The following MBNL2 variants were observed in gnomAD, a reference collection of about 807,000 sequenced individuals.
The protein encoded by MBNL2 is muscleblind-like protein 2.
In MBNL2, 17 loss-of-function variants were observed where a neutral mutation model predicts 41.9. The ratio of observed to expected loss-of-function variants is 0.41; its 90% CI spans 0.28 to 0.61. MBNL2 has a LOEUF of 0.61. MBNL2 is among the 20% of genes least tolerant of loss of function. MBNL2 has a pLI of 0.35. For synonymous variants in MBNL2, 195 were observed against 182.9 expected (o/e 1.07, Z -0.53); for missense variants, 336 against 505.6 (o/e 0.66, Z 3.22).
At chr13:97,355,461 TTAGAA>T (rs1243777360) in intron 5 of MBNL2, among the ~76,000 whole-genome samples, 1 of 152,178 alleles carries the variant, frequency 6.6e-6, no homozygotes, top group Non-Finnish European at 1.5e-5. Flanking sequence ...TTTCAGAACT[TTAGAA>T]TATAATATTT....
the MBNL2 span, among the ~76,000 whole-genome samples, chr13:97,151,462 G>A: frequency 6.6e-6 from 1 of 152,116 alleles, no homozygotes; most frequent in Admixed American, 6.6e-5. Context: ...TGTGTTCGGT[G>A]GTGCTCTGCG....
At chr13:97,352,065 A>T (rs999322386) in intron 5 of MBNL2, among the ~76,000 whole-genome samples, 12 of 145,388 alleles carry the variant, frequency 8.3e-5, no homozygotes, top group South Asian at 2.2e-4. Flanking sequence ...AATAAATAAT[A>T]AATAAATAAA....
intron 2 of MBNL2, among the ~76,000 whole-genome samples, chr13:97,305,808 T>C (rs767215877): frequency 1.3e-5 from 2 of 152,090 alleles, no homozygotes; most frequent in African/African-American, 2.4e-5. Context: ...CCAGGATTTT[T>C]ATATTTTTTG....
At chr13:97,204,034 T>C in the MBNL2 span, among the ~76,000 whole-genome samples, 1 of 152,120 alleles carries the variant, frequency 6.6e-6, no homozygotes, top group Non-Finnish European at 1.5e-5. Context: ...AATTGCAAGG[T>C]GTAGTTCAAT....
chr13:97,373,455 T>C (rs2064597487), intron 8 of MBNL2, among the ~76,000 whole-genome samples: 1 of 150,898 alleles, frequency 6.6e-6, no homozygotes, highest in East Asian at 1.9e-4. Flanking sequence ...ACCTGCACAA[T>C]TTCTTTGTGT....
At chr13:97,229,481 A>T (rs539850592) in intron 1 of MBNL2, among the ~76,000 whole-genome samples, 1 of 152,316 alleles carries the variant, frequency 6.6e-6, no homozygotes, top group East Asian at 1.9e-4. Flanking sequence ...TAATGTGTGT[A>T]ACATATTAGC....
the MBNL2 span, among the ~76,000 whole-genome samples, chr13:97,163,770 GGCCC>G: frequency 6.6e-6 from 1 of 152,044 alleles, no homozygotes; most frequent in East Asian, 1.9e-4. Flanking sequence ...GGAAGGGGTG[GGCCC>G]TTAATCCACT....
chr13:97,147,933 G>A, the MBNL2 span, among the ~76,000 whole-genome samples: 1 of 152,134 alleles, frequency 6.6e-6, no homozygotes, highest in Non-Finnish European at 1.5e-5. Context: ...GGCGGGGGAC[G>A]TCCTGGCTCC....
Position 97,334,156 on chromosome 13 carries a change from A to C in MBNL2, c.175-120A>C, listed in dbSNP as rs1434456235. On this transcript the variant is annotated intron_variant, in intron 2 of 8. Transcript: ENST00000679496. This position sits in a 1 kb window ranked among gnomAD's most constrained non-coding sequence, Gnocchi z 5.3. ...AGCATGCGCGCGCACACCCACACACACACACACACACACACACACAGGATC... is the reference window on the plus strand; with the variant it reads ...AGCATGCGCGCGCACACCCACACACCCACACACACACACACACACAGGATC... 1.3e-5 allele frequency: 9 copies of C among 705,330 alleles called. No homozygotes were observed. The highest frequency in any genetic ancestry group is 2.1e-5 in the Non-Finnish European group (9 of 423,442). The allele number at this position is 705,330 out of a possible 1,614,324, so 43.7% of individuals were successfully genotyped here.
chr13:97,260,417 A>C (rs2048383139), intron 1 of MBNL2, among the ~76,000 whole-genome samples: 2 of 152,148 alleles, frequency 1.3e-5, no homozygotes, highest in Admixed American at 6.5e-5. Context: ...ATCTGATTAC[A>C]TTTTCAAAGA....
the MBNL2 span, among the ~76,000 whole-genome samples, chr13:97,178,677 C>T: frequency 1.3e-5 from 2 of 152,190 alleles, no homozygotes; most frequent in Admixed American, 6.5e-5. Flanking sequence ...AGGCAGATCA[C>T]TTGAGCCCAG....
chr13:97,339,441 T>G (rs1402716206), intron 3 of MBNL2, among the ~76,000 whole-genome samples: 6 of 152,086 alleles, frequency 3.9e-5, no homozygotes, highest in African/African-American at 1.4e-4. Flanking sequence ...CAAGAAGGCT[T>G]CCCGCGAATC....
chr13:97,361,118 A>G (rs1286274526), intron 7 of MBNL2, among the ~76,000 whole-genome samples: 1 of 152,210 alleles, frequency 6.6e-6, no homozygotes, highest in Non-Finnish European at 1.5e-5. Flanking sequence ...ACCAAATATT[A>G]TACAGAGGAT....
At chr13:97,172,406 C>T in the MBNL2 span, 4 of 152,162 alleles carry the variant, frequency 2.6e-5, no homozygotes, top group Non-Finnish European at 2.9e-5. Flanking sequence ...GTAAAGGTCA[C>T]CTGAAAAGGT....
chr13:97,272,738 A>C (rs1355778793), intron 1 of MBNL2, among the ~76,000 whole-genome samples: 2 of 152,248 alleles, frequency 1.3e-5, no homozygotes, highest in Non-Finnish European at 2.9e-5. Flanking sequence ...CTAAGTATGC[A>C]TATGTTAATT....
intron 3 of MBNL2, among the ~76,000 whole-genome samples, chr13:97,340,453 C>A (rs1308801861): frequency 6.6e-6 from 1 of 152,126 alleles, no homozygotes; most frequent in Non-Finnish European, 1.5e-5. Flanking sequence ...ATCCCTGTTG[C>A]AGAACTGTTA....
intron 2 of MBNL2, among the ~76,000 whole-genome samples, chr13:97,286,155 T>G (rs1204584280): frequency 2.6e-5 from 4 of 152,238 alleles, no homozygotes; most frequent in Non-Finnish European, 5.9e-5. Context: ...TGTATTCAAC[T>G]GCTTACCTGA....
intron 1 of MBNL2, among the ~76,000 whole-genome samples, chr13:97,245,166 G>T (rs979631331): frequency 6.6e-5 from 10 of 152,146 alleles, no homozygotes; most frequent in Admixed American, 6.5e-4. Context: ...CTGCCCTTTT[G>T]TTAATAAATA....
At chr13:97,212,570 C>T in the MBNL2 span, among the ~76,000 whole-genome samples, 6 of 152,278 alleles carry the variant, frequency 3.9e-5, no homozygotes, top group East Asian at 3.9e-4. Flanking sequence ...GAGAACATGG[C>T]CTCTGAAGCC....
Sources: gnomAD v4.1 joint callset for allele counts (sites outside exome capture counted in the v4.1 genomes callset) on GRCh38, gnomAD v4.1.1 for gene constraint, Gnocchi (gnomAD v3.1) non-coding constraint, MANE v1.5 for transcripts, NCBI Gene and HGNC (gene_info 2026-07-23, HGNC 2026-07-21) for gene names.